Variants in PDE3B observed in about 807,000 individuals in gnomAD.
The protein encoded by PDE3B is phosphodiesterase 3B, also known as cGMP-inhibited 3',5'-cyclic phosphodiesterase 3B.
In PDE3B, 66 loss-of-function variants were observed where a neutral mutation model predicts 116.8. The ratio of observed to expected loss-of-function variants is 0.56; its 90% CI spans 0.46 to 0.69. The LOEUF (loss-of-function observed/expected upper bound fraction) is 0.69, where lower values mean the gene tolerates loss of function less well. Ranked by LOEUF, PDE3B falls within the 30% of genes least tolerant of loss-of-function variation. PDE3B has a pLI of 0.00. For missense variants in PDE3B, 1,384 were observed against 1,368.1 expected (o/e 1.01, Z -0.18); for synonymous variants, 595 against 533.6 (o/e 1.12, Z -1.59).
At chr11:14,832,924 C>G (rs574663165) in intron 10 of PDE3B, 91 bp downstream of exon 10, 6 of 608,594 alleles carry the variant, frequency 9.9e-6, no homozygotes, top group East Asian at 9.6e-5. Flanking sequence ...CCCTTAAACA[C>G]TTTTAAAACT....
intron 1 of PDE3B, among the ~76,000 whole-genome samples, chr11:14,703,651 T>C (rs188808128): frequency 6.6e-6 from 1 of 151,888 alleles, no homozygotes; most frequent in East Asian, 1.9e-4. Context: ...CAGGTAACAC[T>C]AGATTTATGA....
At chr11:14,887,908 TAAC>T in the PDE3B span, among the ~76,000 whole-genome samples, 1 of 152,200 alleles carries the variant, frequency 6.6e-6, no homozygotes, top group Non-Finnish European at 1.5e-5. Flanking sequence ...TTCTCCCTTA[TAAC>T]AACAACCTCC....
At chr11:14,739,574 C>G (rs901407739) in intron 1 of PDE3B, among the ~76,000 whole-genome samples, 1 of 152,100 alleles carries the variant, frequency 6.6e-6, no homozygotes, top group African/African-American at 2.4e-5. Flanking sequence ...TTCCTTTCTT[C>G]CTATTTGAAT....
chr11:14,678,974 A>G (rs1854613474), intron 1 of PDE3B, among the ~76,000 whole-genome samples: 2 of 152,208 alleles, frequency 1.3e-5, no homozygotes, highest in African/African-American at 4.8e-5. Context: ...TCCTACATAC[A>G]GAATTTCCAA....
intron 12 of PDE3B, among the ~76,000 whole-genome samples, chr11:14,848,160 C>G (rs1847653850): frequency 7.2e-6 from 1 of 139,324 alleles, no homozygotes; most frequent in African/African-American, 2.7e-5. Context: ...GGGCTTCATC[C>G]CTGGGATGCA....
intron 10 of PDE3B, among the ~76,000 whole-genome samples, chr11:14,833,852 A>G (rs1218370226): frequency 6.6e-6 from 1 of 152,208 alleles, no homozygotes; most frequent in African/African-American, 2.4e-5. Context: ...GTTGGATTTT[A>G]TAAATGGAAT....
intron 1 of PDE3B, among the ~76,000 whole-genome samples, chr11:14,751,248 G>A (rs563144978): frequency 6.6e-6 from 1 of 152,182 alleles, no homozygotes; most frequent in East Asian, 1.9e-4. Flanking sequence ...TTAGAATTTT[G>A]TAGTGTTGCA....
chr11:14,715,500 G>A (rs1484043587), intron 1 of PDE3B, among the ~76,000 whole-genome samples: 1 of 152,046 alleles, frequency 6.6e-6, no homozygotes, highest in Admixed American at 6.6e-5. Context: ...GGATTCCTAG[G>A]TATTTTATTG....
chr11:14,860,333 C>G (rs931065864), intron 13 of PDE3B, among the ~76,000 whole-genome samples: 26 of 151,254 alleles, frequency 1.7e-4, no homozygotes, highest in Admixed American at 1.7e-3. Flanking sequence ...ATCAAAAGAG[C>G]TCTTCTCTCA....
chr11:14,865,288 T>C (rs1402445299), intron 14 of PDE3B, among the ~76,000 whole-genome samples: 1 of 152,076 alleles, frequency 6.6e-6, no homozygotes, highest in East Asian at 1.9e-4. Flanking sequence ...AATGTAGGAG[T>C]GCACTGATTT....
intron 12 of PDE3B, among the ~76,000 whole-genome samples, chr11:14,850,966 C>G (rs1847735882): frequency 6.7e-6 from 1 of 149,678 alleles, no homozygotes; most frequent in Admixed American, 6.7e-5. Flanking sequence ...GTAGCTGGGA[C>G]TACCACACCC....
intron 1 of PDE3B, among the ~76,000 whole-genome samples, chr11:14,757,115 C>G (rs957722639): frequency 6.6e-6 from 1 of 152,044 alleles, no homozygotes; most frequent in African/African-American, 2.4e-5. Flanking sequence ...ATCCATGTCC[C>G]TACAAAGGAC....
chr11:14,849,466 CA>C (rs1157898566), intron 12 of PDE3B, among the ~76,000 whole-genome samples: 2 of 152,156 alleles, frequency 1.3e-5, no homozygotes, highest in Non-Finnish European at 2.9e-5. Flanking sequence ...GCAATGGCAA[CA>C]AAAGCCAAAA....
intron 1 of PDE3B, among the ~76,000 whole-genome samples, chr11:14,719,042 AAAAG>A (rs1366641825): frequency 1.8e-5 from 2 of 113,800 alleles, no homozygotes; most frequent in Non-Finnish European, 3.6e-5. Context: ...AATAAAGAAA[AAAAG>A]AGAGGAGAAT....
At chr11:14,675,073 A>G (rs1277874897) in intron 1 of PDE3B, among the ~76,000 whole-genome samples, 2 of 152,160 alleles carry the variant, frequency 1.3e-5, no homozygotes, top group Non-Finnish European at 2.9e-5. Context: ...ATTGCTTTTA[A>G]TGTATATCTT....
intron 5 of PDE3B, among the ~76,000 whole-genome samples, chr11:14,805,850 T>A (rs1374828429): frequency 4.6e-5 from 7 of 152,156 alleles, no homozygotes; most frequent in Non-Finnish European, 7.3e-5. Context: ...TAGACACTTC[T>A]CAAAAGAAGA....
intron 7 of PDE3B, among the ~76,000 whole-genome samples, chr11:14,821,730 T>C (rs1269423896): frequency 6.6e-6 from 1 of 152,154 alleles, no homozygotes; most frequent in African/African-American, 2.4e-5. Context: ...GGTATATTCA[T>C]TGTATTAAGT....
At chr11:14,892,250 A>G in the PDE3B span, 1 of 1,563,386 alleles carries the variant, frequency 6.4e-7, no homozygotes, top group Non-Finnish European at 8.7e-7. Flanking sequence ...CCTGAGACCC[A>G]GGCACTCCCT....
intron 2 of PDE3B, chr11:14,773,641 T>A (rs1304222344): frequency 2.0e-5 from 3 of 152,190 alleles, no homozygotes; most frequent in Non-Finnish European, 2.9e-5. Context: ...AGTTATGGAT[T>A]CAATTTCTTT....
Sources: allele counts gnomAD v4.1 joint callset (sites outside exome capture counted in the v4.1 genomes callset), GRCh38; gene constraint gnomAD v4.1.1; transcripts MANE v1.5; gene names NCBI Gene and HGNC (gene_info 2026-07-23, HGNC 2026-07-21).